PTK2: variants seen among roughly 807,000 people sequenced by gnomAD.
PTK2 encodes the protein focal adhesion kinase 1.
Under a neutral mutation model 150.1 loss-of-function variants are expected in PTK2, and 45 were observed. The ratio of observed to expected loss-of-function variants is 0.30; its 90% CI spans 0.24 to 0.38. The LOEUF (loss-of-function observed/expected upper bound fraction) is 0.38, where lower values mean the gene tolerates loss of function less well. Among genes scored for constraint, PTK2 ranks in the 10% least tolerant of loss-of-function variants. The probability of loss-of-function intolerance (pLI) is 1.00; values close to 1 mark genes in which losing one functional copy is unlikely to be tolerated. For missense variants in PTK2, 919 were observed against 1,307.3 expected (o/e 0.70, Z 4.58); for synonymous variants, 432 against 449.2 (o/e 0.96, Z 0.48).
rs765058833 is a variant in PTK2 at position 141,000,087 on chromosome 8, T to TCTCACACACACACA, written c.-122+1037_-122+1038insTGTGTGTGTGTGAG. 9.8e-5 allele frequency among the ~76,000 whole-genome samples: 8 copies of TCTCACACACACACA among 81,650 alleles called. No individual in the cohort carries two copies. In the South Asian group the frequency reaches 1.7e-3, roughly 18 times the overall value. 53.6% of individuals were successfully genotyped at this position (81,650 alleles called of 152,430 possible). A position where few individuals can be genotyped will look rare whatever the true frequency, so the allele number is the denominator to read the frequency against. ...AATTCTGCAATTAAATGAAACCAAT[T>TCTCACACACACACA]CACACACACACACACACACACACAC... is the stretch of plus-strand genomic sequence containing the variant. On this transcript the variant is annotated intron_variant, in intron 1 of 31. Transcript: ENST00000522684.
chr8:140,859,766 G>A (rs1032736025), intron 5 of PTK2, among the ~76,000 whole-genome samples: 2 of 24,854 alleles, frequency 8.0e-5, no homozygotes, highest in East Asian at 1.5e-3. Flanking sequence ...GCCCACCCCC[G>A]ACATGTGTGT....
intron 27 of PTK2, among the ~76,000 whole-genome samples, chr8:140,681,070 A>C (rs1351325786): frequency 2.0e-5 from 3 of 152,216 alleles, no homozygotes; most frequent in Non-Finnish European, 4.4e-5. Context: ...AAGATTAAGA[A>C]GATCTTAAAT....
At position 140,950,248 on chromosome 8, in the gene PTK2, C is replaced by T. The variant is rs1218874979; in HGVS notation, c.-121-24499G>A. On this transcript the variant is annotated intron_variant, in intron 1 of 31. Coordinates refer to ENST00000522684, the Ensembl canonical transcript of PTK2. ...GGACTAAAACACGGCCTCCTGCTTG[C>T]CATGTTGTGAGCAACGAGCAGAGGA... 2.6e-5 allele frequency among the ~76,000 whole-genome samples: 4 copies of T among 152,298 alleles called. No homozygotes were observed. In the East Asian group the frequency reaches 7.7e-4, roughly 29 times the overall value.
chr8:140,996,918 G>A (rs1366109143), intron 1 of PTK2, among the ~76,000 whole-genome samples: 2 of 152,148 alleles, frequency 1.3e-5, no homozygotes, highest in Admixed American at 1.3e-4. Flanking sequence ...TTTCATAAGG[G>A]TATAGCTGCC....
chr8:140,837,756 C>A (rs1285598517), intron 7 of PTK2, among the ~76,000 whole-genome samples: 1 of 148,470 alleles, frequency 6.7e-6, no homozygotes, highest in South Asian at 2.2e-4. Flanking sequence ...CAAAAAAAGT[C>A]ATTTAGAAAT....
intron 23 of PTK2, 121 bp downstream of exon 26, chr8:140,717,477 T>C: frequency 2.7e-6 from 2 of 735,120 alleles, no homozygotes; most frequent in South Asian, 1.6e-5. Flanking sequence ...GTTGGTGTTA[T>C]AACTATTACT....
chr8:140,726,617 A>C (rs535253266), intron 22 of PTK2, among the ~76,000 whole-genome samples: 1 of 143,868 alleles, frequency 7.0e-6, no homozygotes, highest in Non-Finnish European at 1.5e-5. Flanking sequence ...GGTGCTGGGG[A>C]AAAAAAAAAT....
At chr8:140,764,198 A>G (rs2100070966) in intron 15 of PTK2, 36 bp downstream of exon 17, 3 of 1,550,002 alleles carry the variant, frequency 1.9e-6, no homozygotes, top group Admixed American at 3.3e-5. Flanking sequence ...GGCATCTGTC[A>G]AGTCTGAGCA....
At chr8:140,906,637 G>C (rs1361498724) in intron 2 of PTK2, among the ~76,000 whole-genome samples, 1 of 152,168 alleles carries the variant, frequency 6.6e-6, no homozygotes, top group African/African-American at 2.4e-5. Context: ...GTATAGAGTA[G>C]AGTGGTGGTT....
Position 140,703,262 on chromosome 8 carries a change from C to CA in PTK2, c.2230-556dup, listed in dbSNP as rs996307779. Among the ~76,000 whole-genome samples the CA allele has an allele frequency of 3.6e-3, 486 of 135,178 alleles. 3 individuals are homozygous for CA. The highest frequency in any genetic ancestry group is 0.011 in the African/African-American group (402 of 36,880). 88.7% of individuals were successfully genotyped at this position (135,178 alleles called of 152,430 possible). A position where few individuals can be genotyped will look rare whatever the true frequency, so the allele number is the denominator to read the frequency against. The stretch of plus-strand genomic sequence containing the variant: ...TGGGTGACAGAGAGAGACTCCGTCT[C>CA]AAAAAAAAAAAGAAAATAAAAACTT... On this transcript the variant is annotated intron_variant, in intron 24 of 31. Coordinates refer to ENST00000522684, the Ensembl canonical transcript of PTK2.
chr8:140,829,633 A>C (rs1485383625), intron 8 of PTK2, among the ~76,000 whole-genome samples: 3 of 152,126 alleles, frequency 2.0e-5, no homozygotes. Context: ...GCTTCAGCTG[A>C]TGGGATGTAG....
At chr8:140,995,864 A>G (rs2154610378) in intron 1 of PTK2, among the ~76,000 whole-genome samples, 1 of 152,330 alleles carries the variant, frequency 6.6e-6, no homozygotes, top group South Asian at 2.1e-4. Context: ...GTGAATGCAA[A>G]GGAAAAGTTA....
intron 14 of PTK2, among the ~76,000 whole-genome samples, 174 bp from the exon 16 acceptor site, chr8:140,769,766 A>C (rs2100074520): frequency 6.6e-6 from 1 of 152,108 alleles, no homozygotes; most frequent in South Asian, 2.1e-4. Context: ...ATAAAGAAAG[A>C]CTGTAGTGGT....
chr8:140,733,119 A>G (rs766390279), intron 22 of PTK2, among the ~76,000 whole-genome samples: 28 of 152,332 alleles, frequency 1.8e-4, no homozygotes, highest in South Asian at 8.3e-4. Flanking sequence ...CATGCCAGAC[A>G]GATGGGAAAA....
At chr8:140,826,873 G>A (rs747105759) in intron 8 of PTK2, among the ~76,000 whole-genome samples, 1 of 151,984 alleles carries the variant, frequency 6.6e-6, no homozygotes. Context: ...AGCCAAGATC[G>A]CGCCAATGCA....
chr8:140,670,124 T>C (rs902613910), intron 29 of PTK2: 1 of 172,644 alleles, frequency 5.8e-6, no homozygotes, highest in Non-Finnish European at 1.2e-5. Flanking sequence ...TGAATTCTCA[T>C]AGATTCAGGA....
At chr8:140,914,580 C>T (rs2100164443) in intron 2 of PTK2, among the ~76,000 whole-genome samples, 1 of 152,046 alleles carries the variant, frequency 6.6e-6, no homozygotes, top group Admixed American at 6.6e-5. Context: ...TCCTTCCTCC[C>T]TCCACCCTCA....
At chr8:140,760,979 C>T (rs1240906304) in intron 16 of PTK2, among the ~76,000 whole-genome samples, 186 bp downstream of exon 19, 8 of 152,190 alleles carry the variant, frequency 5.3e-5, no homozygotes, top group Admixed American at 2.6e-4. Flanking sequence ...CTTGTAGGAG[C>T]TAATGTTGCC....
At chr8:140,907,988 C>A (rs887395584) in intron 2 of PTK2, among the ~76,000 whole-genome samples, 1 of 152,072 alleles carries the variant, frequency 6.6e-6, no homozygotes, top group Non-Finnish European at 1.5e-5. Flanking sequence ...TTAAATCAAA[C>A]GCTAGAAATG....
Sources: allele counts gnomAD v4.1 joint callset (sites outside exome capture counted in the v4.1 genomes callset), GRCh38; gene constraint gnomAD v4.1.1; transcripts MANE v1.5; gene names NCBI Gene and HGNC (gene_info 2026-07-23, HGNC 2026-07-21).